UNC79: variants seen among roughly 807,000 people sequenced by gnomAD.
The protein encoded by UNC79 is protein unc-79 homolog.
In UNC79, 37 loss-of-function variants were observed where a neutral mutation model predicts 283.1. That is an observed-to-expected ratio of 0.13 (90% CI 0.10 to 0.17). The LOEUF (loss-of-function observed/expected upper bound fraction) is 0.17. UNC79 is among the 10% of genes least tolerant of loss of function. The pLI is 1.00. For missense variants in UNC79, 2,272 were observed against 3,211.1 expected (o/e 0.71, Z 7.07); for synonymous variants, 1,107 against 1,200.2 (o/e 0.92, Z 1.61).
chr14:93,349,308 T>C (rs1308438465), intron 1 of UNC79, among the ~76,000 whole-genome samples: 2 of 152,148 alleles, frequency 1.3e-5, no homozygotes, highest in African/African-American at 4.8e-5. Flanking sequence ...CTTGGAGACA[T>C]GAAGAACAGC....
At chr14:93,521,629 C>A (rs190840914) in intron 7 of UNC79, among the ~76,000 whole-genome samples, 1 of 151,614 alleles carries the variant, frequency 6.6e-6, no homozygotes, top group African/African-American at 2.4e-5. Flanking sequence ...TACTTGGAGA[C>A]CAGTTTCTGA....
At position 93,344,212 on chromosome 14, in the gene UNC79, C is replaced by T. The variant is rs553578565; in HGVS notation, c.-351+10689C>T. Among the ~76,000 whole-genome samples the T allele has an allele frequency of 8.5e-5, 13 of 152,250 alleles. No homozygotes were observed. The East Asian group carries it at 2.3e-3, about 27-fold the overall frequency. Reference sequence around the variant, plus strand: ...AGTCAAGCTTGCCTATTATTGGGCTCTTTCTCACTTTACTTCAGAATTTTT... The same window carrying T: ...AGTCAAGCTTGCCTATTATTGGGCTTTTTCTCACTTTACTTCAGAATTTTT... On this transcript the variant is annotated intron_variant, in intron 1 of 49. Coordinates refer to the UNC79 transcript ENST00000256339.
chr14:93,643,489 G>A (rs1193182519), intron 33 of UNC79, 68 bp from the exon 37 acceptor site: 2 of 1,610,168 alleles, frequency 1.2e-6, no homozygotes, highest in Non-Finnish European at 1.7e-6. Context: ...AGCCGTGTGT[G>A]TAGTATATTA....
intron 15 of UNC79, 120 bp from the exon 16 acceptor site, chr14:93,572,573 T>C (rs141218846): frequency 1.4e-6 from 2 of 1,430,658 alleles, no homozygotes; most frequent in Non-Finnish European, 1.9e-6. Flanking sequence ...CAGTTCAGAA[T>C]ACAAACTAAT....
chr14:93,628,803 A>G (rs893115570), intron 30 of UNC79, among the ~76,000 whole-genome samples: 1 of 152,222 alleles, frequency 6.6e-6, no homozygotes, highest in African/African-American at 2.4e-5. Context: ...AGGGCTGAGG[A>G]AAGATTGCCT....
chr14:93,573,366 T>C (rs1013910881), intron 16 of UNC79, among the ~76,000 whole-genome samples: 1 of 152,238 alleles, frequency 6.6e-6, no homozygotes, highest in East Asian at 1.9e-4. Flanking sequence ...AGTTTTTGTC[T>C]GTCTCGCCAC....
chr14:93,498,100 G>T (rs180759053), intron 7 of UNC79, among the ~76,000 whole-genome samples: 1 of 151,228 alleles, frequency 6.6e-6, no homozygotes, highest in Admixed American at 6.6e-5. Flanking sequence ...TTTGAGACCA[G>T]CCTGGCCAAC....
At chr14:93,427,379 T>C (rs750377579), upstream of UNC79, among the ~76,000 whole-genome samples, 7 of 152,164 alleles carry the variant, frequency 4.6e-5, no homozygotes, top group African/African-American at 7.2e-5. Flanking sequence ...GCATAAAGTG[T>C]TAAGTTTTAA....
chr14:93,468,317 T>C (rs555369996), intron 2 of UNC79, among the ~76,000 whole-genome samples: 1 of 152,328 alleles, frequency 6.6e-6, no homozygotes, highest in African/African-American at 2.4e-5. Flanking sequence ...TCTTTTTCTT[T>C]TGTCTACTTT....
intron 39 of UNC79, among the ~76,000 whole-genome samples, chr14:93,660,931 A>G (rs2071539815): frequency 6.6e-6 from 1 of 152,116 alleles, no homozygotes; most frequent in African/African-American, 2.4e-5. Flanking sequence ...ATAATGAATC[A>G]TTAGTACTAA....
intron 2 of UNC79, 148 bp downstream of exon 2, chr14:93,467,939 G>T: frequency 9.5e-7 from 1 of 1,049,648 alleles, no homozygotes; most frequent in Non-Finnish European, 1.2e-6. Flanking sequence ...AAGTTCTCTG[G>T]GTGTATGTAG....
chr14:93,356,753 C>T (rs1376852086), intron 1 of UNC79, among the ~76,000 whole-genome samples: 1 of 152,088 alleles, frequency 6.6e-6, no homozygotes, highest in Non-Finnish European at 1.5e-5. Flanking sequence ...CACATCTGGC[C>T]TAGTAATCTG....
chr14:93,364,767 A>G (rs758637828), intron 1 of UNC79, among the ~76,000 whole-genome samples: 1 of 151,866 alleles, frequency 6.6e-6, no homozygotes, highest in Non-Finnish European at 1.5e-5. Flanking sequence ...AAATGTGGAT[A>G]CTGGGGCCTA....
intron 41 of UNC79, among the ~76,000 whole-genome samples, chr14:93,678,504 A>G (rs906555740): frequency 1.8e-4 from 27 of 152,228 alleles, no homozygotes; most frequent in African/African-American, 5.1e-4. Context: ...TAGATAGACC[A>G]TACCTTTGTG....
intron 14 of UNC79, among the ~76,000 whole-genome samples, chr14:93,566,422 CA>C (rs1163018220): frequency 6.6e-6 from 1 of 152,236 alleles, no homozygotes. Context: ...GAATTGACAT[CA>C]GGGGTAAGGT....
At chr14:93,612,393 T>C (rs1474503920) in intron 26 of UNC79, among the ~76,000 whole-genome samples, 1 of 152,242 alleles carries the variant, frequency 6.6e-6, no homozygotes, top group Non-Finnish European at 1.5e-5. Context: ...TATAACGTTT[T>C]GTAGTTATTC....
At chr14:93,609,262 G>A (rs1259549553) in intron 26 of UNC79, among the ~76,000 whole-genome samples, 1 of 152,198 alleles carries the variant, frequency 6.6e-6, no homozygotes, top group African/African-American at 2.4e-5. Flanking sequence ...ATGAGCAAAG[G>A]TGCAAAGAGG....
At chr14:93,635,317 GT>G (rs1201595105) in intron 31 of UNC79, among the ~76,000 whole-genome samples, 4 of 151,916 alleles carry the variant, frequency 2.6e-5, no homozygotes, top group Admixed American at 6.6e-5. Flanking sequence ...TGCCTTTTCT[GT>G]TTTTTTTCTT....
At chr14:93,408,387 C>G (rs1184243934) in intron 1 of UNC79, among the ~76,000 whole-genome samples, 1 of 152,158 alleles carries the variant, frequency 6.6e-6, no homozygotes, top group African/African-American at 2.4e-5. Context: ...AAACTATGGA[C>G]TTTAGTTAAT....
Sources: allele counts gnomAD v4.1 joint callset (sites outside exome capture counted in the v4.1 genomes callset), GRCh38; gene constraint gnomAD v4.1.1; transcripts MANE v1.5; gene names NCBI Gene and HGNC (gene_info 2026-07-23, HGNC 2026-07-21).